NAALADL2: variants seen among roughly 807,000 people sequenced by gnomAD.
NAALADL2 encodes the protein N-acetylated alpha-linked acidic dipeptidase like 2.
In NAALADL2, 76 loss-of-function variants were observed where a neutral mutation model predicts 87.2. The ratio of observed to expected loss-of-function variants is 0.87; its 90% confidence interval spans 0.72 to 1.05. The LOEUF (loss-of-function observed/expected upper bound fraction) is 1.05. NAALADL2 is among the 50% of genes least tolerant of loss of function. NAALADL2 has a pLI of 0.00. For synonymous variants in NAALADL2, 354 were observed against 331.0 expected, an observed-to-expected ratio of 1.07 and a Z score of -0.75; for missense variants, 1,089 against 945.8, an observed-to-expected ratio of 1.15 and a Z score of -1.99.
intron 5 of NAALADL2, among the ~76,000 whole-genome samples, chr3:175,438,216 A>G (rs937179022): frequency 6.6e-5 from 10 of 152,252 alleles, no homozygotes; most frequent in African/African-American, 2.4e-4. Flanking sequence ...ATAATAATCT[A>G]AACAATACTT....
At chr3:175,044,983 G>C (rs1023141015) in intron 1 of NAALADL2, among the ~76,000 whole-genome samples, 1 of 151,248 alleles carries the variant, frequency 6.6e-6, no homozygotes, top group East Asian at 1.9e-4. Flanking sequence ...ACACATAATA[G>C]GATGATATTT....
chr3:175,667,238 AG>A (rs1733267443), intron 11 of NAALADL2, among the ~76,000 whole-genome samples: 1 of 101,852 alleles, frequency 9.8e-6, no homozygotes, highest in East Asian at 2.5e-4. Context: ...AAAGAAAGAA[AG>A]AAAAAGAAAG....
intron 2 of NAALADL2, among the ~76,000 whole-genome samples, chr3:175,179,749 T>C (rs1452968902): frequency 6.6e-6 from 1 of 151,974 alleles, no homozygotes; most frequent in Non-Finnish European, 1.5e-5. Context: ...ATAAATTACA[T>C]TTTCTATTTT....
At chr3:175,089,672 TAAAA>T (rs1719711824) in intron 1 of NAALADL2, among the ~76,000 whole-genome samples, 1 of 152,004 alleles carries the variant, frequency 6.6e-6, no homozygotes, top group African/African-American at 2.4e-5. Flanking sequence ...GTGCAAAAGA[TAAAA>T]AAGACATTAA....
rs1189391934 is a variant in NAALADL2 at position 174,746,246 on chromosome 3, A to G, written c.-9+8500A>G. Among the ~76,000 whole-genome samples the G allele has an allele frequency of 2.6e-5, 4 of 152,192 alleles. No individual in the cohort carries two copies. In the South Asian group the frequency reaches 8.3e-4, roughly 32 times the overall value. The stretch of plus-strand genomic sequence containing the variant: ...CTGCAACAAAGTCTCAGGATACAAA[A>G]TCAATGTACCAAAATCACAAGCATT... On this transcript the variant is annotated intron_variant, in intron 3 of 3. Transcript: ENST00000434257.
chr3:175,147,994 C>T (rs1730993948), intron 2 of NAALADL2, among the ~76,000 whole-genome samples: 1 of 151,340 alleles, frequency 6.6e-6, no homozygotes, highest in African/African-American at 2.4e-5. Flanking sequence ...CGCTTGAACC[C>T]AGGAGGCAGA....
At chr3:175,621,363 A>G (rs1726210670) in intron 10 of NAALADL2, among the ~76,000 whole-genome samples, 1 of 152,206 alleles carries the variant, frequency 6.6e-6, no homozygotes, top group Admixed American at 6.5e-5. Flanking sequence ...ATGTAATGTT[A>G]CCTATGTTAG....
chr3:175,621,777 C>T (rs1726262844), intron 10 of NAALADL2, among the ~76,000 whole-genome samples: 1 of 151,794 alleles, frequency 6.6e-6, no homozygotes, highest in Non-Finnish European at 1.5e-5. Flanking sequence ...AGATTATATG[C>T]AAATACTATA....
chr3:174,616,324 G>C (rs149536673), intron 2 of NAALADL2, among the ~76,000 whole-genome samples: 2 of 152,062 alleles, frequency 1.3e-5, no homozygotes, highest in East Asian at 3.9e-4. Flanking sequence ...GGTACTAGAA[G>C]TAAAGTTGGG....
chr3:175,448,875 A>T (rs1356845999), intron 6 of NAALADL2, among the ~76,000 whole-genome samples: 1 of 151,868 alleles, frequency 6.6e-6, no homozygotes, highest in African/African-American at 2.4e-5. Flanking sequence ...ACACTAGACT[A>T]ATTTAAAAAG....
At chr3:175,588,120 C>A (rs62284491) in intron 10 of NAALADL2, among the ~76,000 whole-genome samples, 20,214 of 151,774 alleles carry the variant, frequency 0.13, 1,491 homozygotes, top group Middle Eastern at 0.18. Flanking sequence ...ACTGTACAAC[C>A]CAAACTTTGA....
chr3:175,202,887 C>T (rs112044950), intron 2 of NAALADL2, among the ~76,000 whole-genome samples: 1 of 151,976 alleles, frequency 6.6e-6, no homozygotes, highest in Non-Finnish European at 1.5e-5. Context: ...TGCAGGTTGT[C>T]AGGGAAGTGG....
intron 3 of NAALADL2, among the ~76,000 whole-genome samples, chr3:174,780,388 A>G (rs1301635072): frequency 6.6e-6 from 1 of 152,172 alleles, no homozygotes; most frequent in Non-Finnish European, 1.5e-5. Flanking sequence ...TTGGGCTGAG[A>G]CAATGGCATT....
At chr3:175,235,032 G>A (rs1034912655) in intron 3 of NAALADL2, 1 of 147,102 alleles carries the variant, frequency 6.8e-6, no homozygotes, top group African/African-American at 2.5e-5. Context: ...CTAACTCTAT[G>A]TAAAAGTGTA....
intron 11 of NAALADL2, among the ~76,000 whole-genome samples, chr3:175,657,771 T>A (rs969399925): frequency 1.3e-5 from 2 of 151,856 alleles, no homozygotes; most frequent in Non-Finnish European, 2.9e-5. Context: ...TTAGTAGAGA[T>A]GGGGTTTCAC....
intron 1 of NAALADL2, among the ~76,000 whole-genome samples, chr3:174,922,678 T>C (rs1429106954): frequency 2.0e-5 from 3 of 152,180 alleles, no homozygotes; most frequent in African/African-American, 4.8e-5. Context: ...TTTGACACTT[T>C]TGAAGAGTAC....
At chr3:175,137,050 A>G (rs1729218065) in intron 2 of NAALADL2, among the ~76,000 whole-genome samples, 1 of 152,148 alleles carries the variant, frequency 6.6e-6, no homozygotes, top group South Asian at 2.1e-4. Context: ...GTTGAAATTG[A>G]CCCCTTACAA....
chr3:175,231,270 G>T lies in NAALADL2; in HGVS notation c.546-2661G>T, dbSNP rs982455247. On this transcript the variant is annotated intron_variant, in intron 2 of 13. Coordinates refer to ENST00000454872, the MANE Select transcript of NAALADL2 (RefSeq NM_207015.3). ...TGAATAGAGAAAAACTATTCTTGGG[G>T]CTTTGATAATATTAGAGATCTTCTT... 8.0e-5 allele frequency among the ~76,000 whole-genome samples: 12 copies of T among 149,778 alleles called. No individual in the cohort carries two copies. In the South Asian group the frequency reaches 2.1e-3, roughly 26 times the overall value.
chr3:174,694,003 A>G (rs542669761), intron 2 of NAALADL2, among the ~76,000 whole-genome samples: 1 of 152,268 alleles, frequency 6.6e-6, no homozygotes, highest in Non-Finnish European at 1.5e-5. Context: ...CTTTGGGGTC[A>G]TATATTCTTT....
Sources: allele counts gnomAD v4.1 joint callset (sites outside exome capture counted in the v4.1 genomes callset), GRCh38; gene constraint gnomAD v4.1.1; transcripts MANE v1.5; gene names NCBI Gene and HGNC (gene_info 2026-07-23, HGNC 2026-07-21).